Variants in ANK3 observed in about 807,000 individuals in gnomAD.
ANK3 encodes the protein ankyrin-3.
Under a neutral mutation model 370.9 loss-of-function variants are expected in ANK3, and 57 were observed. The observed-to-expected ratio is 0.15, with a 90% confidence interval of 0.12 to 0.19. The LOEUF (loss-of-function observed/expected upper bound fraction) is 0.19. Among genes scored for constraint, ANK3 ranks in the 10% least tolerant of loss-of-function variants. The pLI, the probability that ANK3 is intolerant of heterozygous loss-of-function variation, is 1.00. For missense variants in ANK3, 4,439 were observed against 5,302.1 expected (o/e 0.84, Z 5.06); for synonymous variants, 1,929 against 1,946.3 (o/e 0.99, Z 0.23).
chr10:60,402,250 TGTG>T (rs1419247994), intron 2 of ANK3, among the ~76,000 whole-genome samples: 3 of 152,160 alleles, frequency 2.0e-5, no homozygotes, highest in Non-Finnish European at 4.4e-5. Flanking sequence ...TTTGGGGTTG[TGTG>T]GATAACCAAA....
At chr10:60,112,543 C>A (rs369784966) in intron 26 of ANK3, among the ~76,000 whole-genome samples, 1 of 152,100 alleles carries the variant, frequency 6.6e-6, no homozygotes, top group African/African-American at 2.4e-5. Context: ...CAATTATTCC[C>A]ATTTGAACGA....
chr10:60,088,420 C>T (rs2087256389), intron 28 of ANK3, 62 bp from the exon 29 acceptor site: 2 of 1,404,428 alleles, frequency 1.4e-6, no homozygotes, highest in Non-Finnish European at 2.0e-6. Flanking sequence ...TACCTTAAGT[C>T]AAAATGATAT....
Position 60,574,010 on chromosome 10 carries a change from G to GA in ANK3, c.96+41175dup, listed in dbSNP as rs143429923. ...ATGAATGTAAAACACAGCCATACAG[G>GA]AAAAAACAAGTCACAGAGGGCTAAT... On this transcript the variant is annotated intron_variant, in intron 2 of 43. Transcript: ENST00000373827. 6.7e-3 allele frequency among the ~76,000 whole-genome samples: 1,027 copies of GA among 152,258 alleles called. 14 individuals are homozygous for GA. The highest frequency in any genetic ancestry group is 0.023 in the African/African-American group (964 of 41,544).
At chr10:60,618,800 G>A (rs2078297352) in intron 1 of ANK3, among the ~76,000 whole-genome samples, 2 of 152,050 alleles carry the variant, frequency 1.3e-5, no homozygotes, top group South Asian at 4.1e-4. Context: ...TGATCCAAAT[G>A]TTTCTCCTCT....
chr10:60,667,841 ATC>A (rs1156598308), intron 1 of ANK3, among the ~76,000 whole-genome samples: 1 of 151,446 alleles, frequency 6.6e-6, no homozygotes, highest in African/African-American at 2.5e-5. Flanking sequence ...ATGGCCCTGA[ATC>A]TCTCTCTTTC....
intron 1 of ANK3, among the ~76,000 whole-genome samples, chr10:60,696,088 A>G (rs868486806): frequency 0.029 from 4,111 of 144,220 alleles, 138 homozygotes; most frequent in Middle Eastern, 0.066. Flanking sequence ...CAATCCCACA[A>G]AAATACAAAC....
chr10:60,520,796 T>C (rs1441192566), intron 2 of ANK3, among the ~76,000 whole-genome samples: 4 of 152,160 alleles, frequency 2.6e-5, no homozygotes, highest in Non-Finnish European at 5.9e-5. Context: ...CTGTTTGACA[T>C]GATTCCTTGG....
At chr10:60,048,781 G>A (rs147759316) in intron 42 of ANK3, among the ~76,000 whole-genome samples, 1 of 152,314 alleles carries the variant, frequency 6.6e-6, no homozygotes, top group East Asian at 1.9e-4. Flanking sequence ...TCACTAGAGG[G>A]CTAGGGATTA....
intron 1 of ANK3, among the ~76,000 whole-genome samples, chr10:60,689,441 C>T (rs1316002929): frequency 6.6e-6 from 1 of 151,932 alleles, no homozygotes; most frequent in African/African-American, 2.4e-5. Context: ...CAAATGAAAT[C>T]ACTTACAGCA....
At chr10:60,560,080 G>T (rs560666869) in intron 2 of ANK3, among the ~76,000 whole-genome samples, 8 of 152,028 alleles carry the variant, frequency 5.3e-5, no homozygotes, top group Admixed American at 1.3e-4. Context: ...GAGAGAGAGA[G>T]AGATAGAAAA....
chr10:60,049,360 G>A (rs1254831694), intron 42 of ANK3, among the ~76,000 whole-genome samples: 1 of 152,168 alleles, frequency 6.6e-6, no homozygotes, highest in Non-Finnish European at 1.5e-5. Context: ...AGGCCAAGGT[G>A]GGCAGATCAC....
chr10:60,474,946 T>C (rs190127835), intron 2 of ANK3, among the ~76,000 whole-genome samples: 39 of 152,268 alleles, frequency 2.6e-4, no homozygotes, highest in African/African-American at 9.1e-4. Flanking sequence ...TTTTATATTT[T>C]AAAATATCTA....
At chr10:60,222,687 C>T (rs2097081480) in intron 8 of ANK3, among the ~76,000 whole-genome samples, 1 of 152,182 alleles carries the variant, frequency 6.6e-6, no homozygotes, top group African/African-American at 2.4e-5. Context: ...TCCTGCTATA[C>T]TTGGTCCAAC....
intron 17 of ANK3, among the ~76,000 whole-genome samples, chr10:60,185,223 T>A (rs555333362): frequency 5.9e-5 from 9 of 152,284 alleles, no homozygotes; most frequent in African/African-American, 1.9e-4. Context: ...AAAAAAGATA[T>A]CCCTGGTCTC....
chr10:60,729,261 T>C (rs2079986821), intron 1 of ANK3, among the ~76,000 whole-genome samples: 1 of 152,110 alleles, frequency 6.6e-6, no homozygotes, highest in Non-Finnish European at 1.5e-5. Context: ...AGATTCCCTA[T>C]AAAGCATCAT....
intron 7 of ANK3, among the ~76,000 whole-genome samples, chr10:60,254,639 T>C (rs1335170161): frequency 6.6e-6 from 1 of 152,240 alleles, no homozygotes; most frequent in African/African-American, 2.4e-5. Context: ...CAAAGTCTCC[T>C]TGCTGCTCAA....
chr10:60,581,452 T>A (rs1399609692), intron 2 of ANK3, among the ~76,000 whole-genome samples: 1 of 141,102 alleles, frequency 7.1e-6, no homozygotes, highest in African/African-American at 2.7e-5. Context: ...TAAGACAGAG[T>A]CTCGCTTTGT....
In ANK3 at chr10:60,069,443, G is replaced by A; in HGVS notation, c.11438C>T (p.Ala3813Val). ...MSNIVLTEHS[A>V]PTCTTEKDNP... is the part of the protein sequence containing the mutation. The stretch of plus-strand genomic sequence containing the variant: ...ATCTTTCTCTGTGGTACAAGTGGGT[G>A]CAGAATGTTCTGTCAGAACTATATT... Residue 3813 changes from alanine (A) to valine (V), a missense_variant, in exon 37 of 44, where the codon GCA becomes GTA. Around this residue, in one of 13 missense-constraint regions of ANK3, gnomAD observed 496 missense variants for 529.3 expected, o/e 0.94. Transcript: ENST00000280772. 6.2e-7 allele frequency: 1 copy of A among 1,614,030 alleles called. No homozygotes were observed. The highest frequency in any genetic ancestry group is 1.1e-5 in the South Asian group (1 of 91,062).
At chr10:60,515,325 C>T (rs1323425463) in intron 2 of ANK3, among the ~76,000 whole-genome samples, 1 of 152,100 alleles carries the variant, frequency 6.6e-6, no homozygotes, top group Non-Finnish European at 1.5e-5. Context: ...GTTCTAGCCC[C>T]TGCACATTCA....
Sources: gnomAD v4.1 joint callset for allele counts (sites outside exome capture counted in the v4.1 genomes callset) on GRCh38, gnomAD v4.1.1 for gene constraint, gnomAD v4.1.1 regional missense constraint, MANE v1.5 for transcripts, NCBI Gene and HGNC (gene_info 2026-07-23, HGNC 2026-07-21) for gene names.